MYO5B: variants seen among roughly 807,000 people sequenced by gnomAD.
MYO5B encodes myosin VB, also known as unconventional myosin-Vb.
A neutral mutation model predicts 229.3 loss-of-function variants in MYO5B; 143 were observed. That is an observed-to-expected ratio of 0.62 (90% CI 0.54 to 0.72). The LOEUF (loss-of-function observed/expected upper bound fraction) is 0.72, where lower values mean the gene tolerates loss of function less well. MYO5B is among the 30% of genes least tolerant of loss of function. MYO5B has a pLI of 0.00. For synonymous variants in MYO5B, 918 were observed against 885.2 expected (o/e 1.04, Z -0.66); for missense variants, 2,321 against 2,331.0 (o/e 1.00, Z 0.09).
chr18:49,957,764 G>A (rs1172522042), intron 12 of MYO5B, among the ~76,000 whole-genome samples: 1 of 151,050 alleles, frequency 6.6e-6, no homozygotes, highest in Non-Finnish European at 1.5e-5. Context: ...TGGGCCACTG[G>A]CACCAACCTT....
chr18:50,050,239 T>C (rs548143278), intron 2 of MYO5B, among the ~76,000 whole-genome samples: 1 of 152,254 alleles, frequency 6.6e-6, no homozygotes, highest in East Asian at 1.9e-4. Context: ...CTAAGAAGCT[T>C]TGGTGGCTCC....
At chr18:50,017,519 G>A (rs2026228919) in intron 4 of MYO5B, among the ~76,000 whole-genome samples, 1 of 152,118 alleles carries the variant, frequency 6.6e-6, no homozygotes, top group Non-Finnish European at 1.5e-5. Flanking sequence ...CTCATTGTAA[G>A]GAGAGATTAT....
At chr18:50,006,372 C>T (rs1229500702) in intron 4 of MYO5B, among the ~76,000 whole-genome samples, 1 of 152,202 alleles carries the variant, frequency 6.6e-6, no homozygotes, top group Non-Finnish European at 1.5e-5. Context: ...CAGTGAAATT[C>T]CTTTCATGTA....
At chr18:50,096,348 TC>T (rs1055876949) in intron 1 of MYO5B, among the ~76,000 whole-genome samples, 3 of 152,086 alleles carry the variant, frequency 2.0e-5, no homozygotes, top group African/African-American at 7.2e-5. Context: ...TTCCCCCCTT[TC>T]CCCCTCTGAA....
At chr18:50,131,993 T>TA (rs1358634147) in intron 1 of MYO5B, among the ~76,000 whole-genome samples, 2 of 152,220 alleles carry the variant, frequency 1.3e-5, no homozygotes, top group Non-Finnish European at 2.9e-5. Context: ...CCATTGGCAC[T>TA]ATTTTTTCCC....
intron 22 of MYO5B, among the ~76,000 whole-genome samples, chr18:49,882,816 A>G (rs1299418217): frequency 6.6e-6 from 1 of 152,106 alleles, no homozygotes; most frequent in Non-Finnish European, 1.5e-5. Context: ...ACCGCTTACC[A>G]AAAATTTAAA....
At chr18:50,106,668 T>A (rs909643080) in intron 1 of MYO5B, among the ~76,000 whole-genome samples, 1 of 152,218 alleles carries the variant, frequency 6.6e-6, no homozygotes, top group African/African-American at 2.4e-5. Flanking sequence ...CAGGAAGTGC[T>A]TCCAACTCCC....
chr18:50,031,931 G>A (rs2026394001), intron 4 of MYO5B, among the ~76,000 whole-genome samples: 1 of 152,146 alleles, frequency 6.6e-6, no homozygotes, highest in Admixed American at 6.5e-5. Context: ...GTCAACATAA[G>A]GGCTCTGGGA....
At chr18:50,062,199 G>A (rs1244688661) in intron 1 of MYO5B, among the ~76,000 whole-genome samples, 3 of 152,034 alleles carry the variant, frequency 2.0e-5, no homozygotes, top group Non-Finnish European at 4.4e-5. Context: ...AATTAACAAC[G>A]ATACGCCAAG....
At chr18:50,083,417 T>G (rs988358921) in intron 1 of MYO5B, among the ~76,000 whole-genome samples, 1 of 152,208 alleles carries the variant, frequency 6.6e-6, no homozygotes, top group African/African-American at 2.4e-5. Flanking sequence ...CTCTCCGACA[T>G]TCAGCCCGAA....
At chr18:49,844,880 C>T (rs1009444630) in intron 33 of MYO5B, among the ~76,000 whole-genome samples, 7 of 152,202 alleles carry the variant, frequency 4.6e-5, no homozygotes, top group Non-Finnish European at 1.0e-4. Context: ...GGGGAAGAGA[C>T]GATGACACTA....
At chr18:49,873,415 C>A (rs2144096138) in intron 26 of MYO5B, among the ~76,000 whole-genome samples, 1 of 152,334 alleles carries the variant, frequency 6.6e-6, no homozygotes, top group African/African-American at 2.4e-5. Context: ...GGCTTGGAGA[C>A]AGGAACAGGA....
chr18:49,868,208 T>A (rs1405108943), intron 27 of MYO5B, among the ~76,000 whole-genome samples: 12 of 152,172 alleles, frequency 7.9e-5, no homozygotes, highest in Non-Finnish European at 1.3e-4. Context: ...ATGGATTTTT[T>A]AAAAATTCTC....
Position 50,138,034 on chromosome 18 carries a change from G to A in MYO5B, c.27+56733C>T, listed in dbSNP as rs541123555. ...AGAAAAGATAACTACTGGGTACTGGGCTTCATACCTCACTGATGAAATAAT... is the reference window on the plus strand; with the variant it reads ...AGAAAAGATAACTACTGGGTACTGGACTTCATACCTCACTGATGAAATAAT... On this transcript the variant is annotated intron_variant, in intron 1 of 39. Coordinates refer to ENST00000285039, the MANE Select transcript of MYO5B (RefSeq NM_001080467.3). 3.3e-5 allele frequency among the ~76,000 whole-genome samples: 5 copies of A among 152,190 alleles called. No homozygotes were observed. In the East Asian group the frequency reaches 9.7e-4, roughly 29 times the overall value.
At chr18:49,956,175 G>C (rs2025490614) in intron 12 of MYO5B, among the ~76,000 whole-genome samples, 1 of 152,188 alleles carries the variant, frequency 6.6e-6, no homozygotes, top group Admixed American at 6.5e-5. Context: ...ATAAGGGCCG[G>C]CAGGAATTAA....
intron 1 of MYO5B, among the ~76,000 whole-genome samples, chr18:50,139,285 G>A (rs2032382222): frequency 6.6e-6 from 1 of 152,182 alleles, no homozygotes. Context: ...AGGTGACTCA[G>A]TCATGCTACA....
At chr18:49,963,285 G>T (rs1465653412) in intron 10 of MYO5B, among the ~76,000 whole-genome samples, 1 of 151,894 alleles carries the variant, frequency 6.6e-6, no homozygotes, top group Non-Finnish European at 1.5e-5. Context: ...AAAAAAGAAA[G>T]TCAGCAATGA....
intron 9 of MYO5B, among the ~76,000 whole-genome samples, chr18:49,979,820 T>C (rs1357058696): frequency 2.6e-5 from 4 of 152,224 alleles, no homozygotes; most frequent in Non-Finnish European, 5.9e-5. Context: ...GGCACAGCAA[T>C]TGCTGTGGGT....
At position 49,986,235 on chromosome 18, in the gene MYO5B, T is replaced by A. The variant is rs527784128; in HGVS notation, c.839-1410A>T. On this transcript the variant is annotated intron_variant, in intron 7 of 39. Coordinates refer to ENST00000285039, the MANE Select transcript of MYO5B (RefSeq NM_001080467.3). ...TCAGCTCTTCCCTCTGTCCACGCCTTCAGTGGTCTCTGCCTACCTCTCCTT... is the reference window on the plus strand; with the variant it reads ...TCAGCTCTTCCCTCTGTCCACGCCTACAGTGGTCTCTGCCTACCTCTCCTT... 2.6e-5 allele frequency among the ~76,000 whole-genome samples: 4 copies of A among 152,296 alleles called. No individual in the cohort carries two copies. The East Asian group carries it at 7.7e-4, about 29-fold the overall frequency.
Sources: gnomAD v4.1 joint callset for allele counts (sites outside exome capture counted in the v4.1 genomes callset) on GRCh38, gnomAD v4.1.1 for gene constraint, MANE v1.5 for transcripts, NCBI Gene and HGNC (gene_info 2026-07-23, HGNC 2026-07-21) for gene names.